The following CDH20 variants were observed in gnomAD, a reference collection of about 807,000 sequenced individuals.
CDH20 encodes the protein cadherin 20.
In CDH20, 29 loss-of-function variants were observed where a neutral mutation model predicts 74.2. That is an observed-to-expected ratio of 0.39 (90% CI 0.29 to 0.53). CDH20 has a LOEUF of 0.53. Ranked by LOEUF, CDH20 falls within the 20% of genes least tolerant of loss-of-function variation. CDH20 has a pLI of 0.69. For missense variants in CDH20, 988 were observed against 1,048.3 expected (o/e 0.94, Z 0.79); for synonymous variants, 469 against 405.4 (o/e 1.16, Z -1.88).
At chr18:61,482,027 C>T (rs1426946293) in intron 1 of CDH20, among the ~76,000 whole-genome samples, 2 of 150,384 alleles carry the variant, frequency 1.3e-5, no homozygotes. Context: ...AAAAAAAAAA[C>T]CCTAGCTAAG....
intron 1 of CDH20, among the ~76,000 whole-genome samples, chr18:61,417,046 A>G (rs1912709089): frequency 6.6e-6 from 1 of 152,228 alleles, no homozygotes; most frequent in African/African-American, 2.4e-5. Context: ...GAAAGAGAAA[A>G]TAACTATTTT....
intron 1 of CDH20, among the ~76,000 whole-genome samples, chr18:61,388,522 G>A (rs1446419012): frequency 2.6e-5 from 4 of 152,062 alleles, no homozygotes; most frequent in Non-Finnish European, 4.4e-5. Context: ...AAAATTAAAC[G>A]GATTTAAGTG....
At chr18:61,373,501 C>T (rs1346274082) in intron 1 of CDH20, among the ~76,000 whole-genome samples, 1 of 152,106 alleles carries the variant, frequency 6.6e-6, no homozygotes, top group Non-Finnish European at 1.5e-5. Flanking sequence ...CATGGCACTG[C>T]CCCAACACCC....
intron 1 of CDH20, among the ~76,000 whole-genome samples, chr18:61,352,459 A>G (rs1910336269): frequency 1.3e-5 from 2 of 152,166 alleles, no homozygotes; most frequent in Non-Finnish European, 2.9e-5. Flanking sequence ...TATGATAACT[A>G]TTTGTGGCTG....
At chr18:61,374,830 T>C (rs1448852410) in intron 1 of CDH20, among the ~76,000 whole-genome samples, 1 of 152,028 alleles carries the variant, frequency 6.6e-6, no homozygotes, top group Non-Finnish European at 1.5e-5. Flanking sequence ...TTGTAAAGGG[T>C]GTTTCTTTCC....
chr18:61,536,881 G>A (rs529751123), intron 8 of CDH20, among the ~76,000 whole-genome samples: 1 of 152,246 alleles, frequency 6.6e-6, no homozygotes, highest in Non-Finnish European at 1.5e-5. Context: ...CTTATCCCAA[G>A]GAGCTATGAG....
At chr18:61,420,111 CAA>C (rs1410490723) in intron 1 of CDH20, among the ~76,000 whole-genome samples, 2 of 152,206 alleles carry the variant, frequency 1.3e-5, no homozygotes, top group Non-Finnish European at 2.9e-5. Context: ...AACTACATCT[CAA>C]GTCTTGTTTA....
chr18:61,386,995 A>G (rs1181673884), intron 1 of CDH20, among the ~76,000 whole-genome samples: 2 of 152,170 alleles, frequency 1.3e-5, no homozygotes, highest in African/African-American at 4.8e-5. Flanking sequence ...AACTGTTATA[A>G]CTCTTATACT....
chr18:61,457,482 C>T (rs1032681418), intron 1 of CDH20, among the ~76,000 whole-genome samples: 1 of 152,176 alleles, frequency 6.6e-6, no homozygotes, highest in South Asian at 2.1e-4. Context: ...CCCAGAATAT[C>T]CTGGTGGCAG....
chr18:61,500,283 A>G, intron 3 of CDH20, 100 bp from the exon 4 acceptor site: 10 of 1,276,724 alleles, frequency 7.8e-6, no homozygotes, highest in Non-Finnish European at 1.1e-5. Flanking sequence ...CTCCCAATGA[A>G]GCAAACACAT....
At chr18:61,338,213 A>C (rs1909819618) in intron 1 of CDH20, among the ~76,000 whole-genome samples, 1 of 152,242 alleles carries the variant, frequency 6.6e-6, no homozygotes, top group Admixed American at 6.5e-5. Context: ...TTTTGCTTTA[A>C]AAAATGCACT....
At chr18:61,459,910 G>A (rs546456831) in intron 1 of CDH20, among the ~76,000 whole-genome samples, 1 of 152,210 alleles carries the variant, frequency 6.6e-6, no homozygotes, top group South Asian at 2.1e-4. Context: ...ATTTAAATCA[G>A]GCATCGAGAT....
chr18:61,412,386 A>C (rs1328462297), intron 1 of CDH20, among the ~76,000 whole-genome samples: 3 of 152,222 alleles, frequency 2.0e-5, no homozygotes, highest in Non-Finnish European at 4.4e-5. Context: ...GAGGGTGTAA[A>C]TTGGTACAAC....
At chr18:61,502,805 G>A (rs950652765) in intron 4 of CDH20, 148 bp from the exon 5 acceptor site, 11 of 582,386 alleles carry the variant, frequency 1.9e-5, no homozygotes, top group Middle Eastern at 9.4e-4. Flanking sequence ...TTGAAGCTGA[G>A]ATTTTTTTAC....
intron 11 of CDH20, among the ~76,000 whole-genome samples, chr18:61,552,270 C>T (rs775677421): frequency 2.0e-5 from 3 of 151,604 alleles, no homozygotes; most frequent in Non-Finnish European, 4.4e-5. Flanking sequence ...ATAAACCATC[C>T]CTAGAACTAA....
intron 1 of CDH20, among the ~76,000 whole-genome samples, chr18:61,445,251 G>A (rs147081973): frequency 1.5e-3 from 226 of 151,964 alleles, no homozygotes; most frequent in Non-Finnish European, 2.4e-3. Context: ...TGTCTTACAG[G>A]CACTGTTTCT....
intron 1 of CDH20, among the ~76,000 whole-genome samples, chr18:61,431,482 C>T (rs1267041560): frequency 1.3e-5 from 2 of 152,060 alleles, no homozygotes; most frequent in Non-Finnish European, 2.9e-5. Context: ...TTAATAATAA[C>T]ATATTGATAT....
intron 1 of CDH20, among the ~76,000 whole-genome samples, chr18:61,420,783 G>A (rs560336940): frequency 1.3e-5 from 2 of 152,236 alleles, no homozygotes; most frequent in South Asian, 2.1e-4. Context: ...GGCTGGGCGC[G>A]GTGGCTCACT....
At chr18:61,383,432 TTA>T (rs963266876) in intron 1 of CDH20, among the ~76,000 whole-genome samples, 16 of 151,816 alleles carry the variant, frequency 1.1e-4, no homozygotes, top group African/African-American at 3.9e-4. Flanking sequence ...AATACAAAAA[TTA>T]GCCAGGCATG....
Sources: gnomAD v4.1 joint callset for allele counts (sites outside exome capture counted in the v4.1 genomes callset) on GRCh38, gnomAD v4.1.1 for gene constraint, MANE v1.5 for transcripts, NCBI Gene and HGNC (gene_info 2026-07-23, HGNC 2026-07-21) for gene names.